TTLL7: variants seen among roughly 807,000 people sequenced by gnomAD.
The protein encoded by TTLL7 is tubulin tyrosine ligase like 7, also known as tubulin polyglutamylase TTLL7.
Under a neutral mutation model 120.2 loss-of-function variants are expected in TTLL7, and 53 were observed. That is an observed-to-expected ratio of 0.44 (90% confidence interval 0.35 to 0.55). The LOEUF is 0.55. Ranked by LOEUF, TTLL7 falls within the 20% of genes least tolerant of loss-of-function variation. The pLI, the probability that TTLL7 is intolerant of heterozygous loss-of-function variation, is 0.00. For missense variants in TTLL7, 803 were observed against 1,054.7 expected, an observed-to-expected ratio of 0.76 and a Z score of 3.31; for synonymous variants, 353 against 351.7, an observed-to-expected ratio of 1.00 and a Z score of -0.04.
chr1:83,906,453 A>G lies in TTLL7; in HGVS notation c.2003T>C (p.Leu668Ser). The G allele has an allele frequency of 6.2e-7, 1 of 1,611,958 alleles. No homozygotes were observed. Among genetic ancestry groups the G allele is most frequent in the Non-Finnish European group, 8.5e-7 (1 of 1,178,780 alleles). Residue 668 changes from leucine to serine, a missense_variant, in exon 17 of 21, where the codon TTG (leucine) becomes TCG (serine). Leu to Ser is a moderately radical substitution (Grantham distance 145). Coordinates refer to ENST00000260505, the MANE Select transcript of TTLL7 (RefSeq NM_024686.6). ...TTGTTCTTTTGTTTTCAGTTGCCGC[A>G]AAGACTCACTCTTAAATTTGAAAGA... ...CSTNSQVSES[L>S]RQLKTKEQED...
chr1:83,988,415 T>C (rs1652678695), intron 1 of TTLL7, among the ~76,000 whole-genome samples: 3 of 152,254 alleles, frequency 2.0e-5, no homozygotes, highest in Non-Finnish European at 2.9e-5. Flanking sequence ...ATGGGATTGC[T>C]GGGTCGAATA....
intron 20 of TTLL7, among the ~76,000 whole-genome samples, chr1:83,875,227 A>G (rs1653822194): frequency 6.6e-6 from 1 of 151,864 alleles, no homozygotes; most frequent in African/African-American, 2.4e-5. Context: ...ACCCAATTAT[A>G]CATTCCTTAA....
chr1:83,892,328 G>GTATACATGAATATATATACGAA (rs1557562170), intron 18 of TTLL7, among the ~76,000 whole-genome samples: 1 of 26,820 alleles, frequency 3.7e-5, no homozygotes, highest in Non-Finnish European at 6.9e-5. Context: ...GAATATATAT[G>GTATACATGAATATATATACGAA]TATATATGAA....
At chr1:83,892,907 AAAAGAAAAAAG>A (rs1397272067) in intron 18 of TTLL7, among the ~76,000 whole-genome samples, 4 of 117,098 alleles carry the variant, frequency 3.4e-5, no homozygotes, top group African/African-American at 1.4e-4. Context: ...GAAAGAAGGA[AAAAGAAAAAAG>A]AAAGAAAAAG....
intron 1 of TTLL7, among the ~76,000 whole-genome samples, chr1:83,996,554 T>C (rs1653496210): frequency 6.6e-6 from 1 of 152,228 alleles, no homozygotes; most frequent in African/African-American, 2.4e-5. Context: ...TCCAAGGCTC[T>C]ACTATTTCTC....
chr1:83,949,801 A>G, intron 4 of TTLL7, 64 bp downstream of exon 4: 1 of 1,579,548 alleles, frequency 6.3e-7, no homozygotes, highest in Non-Finnish European at 8.6e-7. Flanking sequence ...ACCTATCTAA[A>G]AAAGTTATGT....
At chr1:83,898,583 T>G (rs974137006) in intron 18 of TTLL7, among the ~76,000 whole-genome samples, 36 of 151,902 alleles carry the variant, frequency 2.4e-4, no homozygotes, top group African/African-American at 8.7e-4. Flanking sequence ...TATAAAGCAT[T>G]TTTTCAACGC....
chr1:83,876,076 T>C (rs1019712588), intron 20 of TTLL7, among the ~76,000 whole-genome samples: 2 of 151,884 alleles, frequency 1.3e-5, no homozygotes, highest in African/African-American at 4.8e-5. Flanking sequence ...ACTAATTTCA[T>C]CTGGAAATGG....
chr1:83,914,327 T>C (rs1221453426), intron 14 of TTLL7, among the ~76,000 whole-genome samples: 2 of 131,568 alleles, frequency 1.5e-5, no homozygotes, highest in Non-Finnish European at 3.2e-5. Flanking sequence ...CTCTCTCTTT[T>C]TTTTTTTTTT....
intron 17 of TTLL7, among the ~76,000 whole-genome samples, chr1:83,906,053 T>G (rs1430977843): frequency 6.6e-6 from 1 of 152,094 alleles, no homozygotes; most frequent in African/African-American, 2.4e-5. Context: ...TATTTAACAC[T>G]AATTATTCTG....
At chr1:83,913,482 T>C (rs184261636) in intron 14 of TTLL7, among the ~76,000 whole-genome samples, 5 of 152,316 alleles carry the variant, frequency 3.3e-5, no homozygotes, top group African/African-American at 9.6e-5. Context: ...TTATTTAACT[T>C]TGATTATCTC....
At chr1:83,902,615 A>G (rs1407004109) in intron 18 of TTLL7, among the ~76,000 whole-genome samples, 3 of 151,862 alleles carry the variant, frequency 2.0e-5, no homozygotes, top group African/African-American at 4.8e-5. Context: ...GCTCCTTCTC[A>G]GTCCCCTTTG....
chr1:83,906,884 T>C (rs938250409), intron 16 of TTLL7, among the ~76,000 whole-genome samples: 1 of 152,052 alleles, frequency 6.6e-6, no homozygotes, highest in African/African-American at 2.4e-5. Context: ...ATCCTTAGTC[T>C]ATGTGAAGGT....
chr1:83,909,410 A>T (rs540570990), intron 15 of TTLL7, among the ~76,000 whole-genome samples: 1 of 151,588 alleles, frequency 6.6e-6, no homozygotes, highest in African/African-American at 2.4e-5. Flanking sequence ...AATAAGTTTG[A>T]ATTTTTCAAA....
At chr1:83,954,920 A>G (rs572852748) in intron 1 of TTLL7, among the ~76,000 whole-genome samples, 1 of 152,202 alleles carries the variant, frequency 6.6e-6, no homozygotes, top group East Asian at 1.9e-4. Context: ...GATTTTTAAG[A>G]TAAAGAAACA....
At chr1:83,932,386 G>A (rs1262897990) in intron 9 of TTLL7, among the ~76,000 whole-genome samples, 1 of 152,132 alleles carries the variant, frequency 6.6e-6, no homozygotes, top group Admixed American at 6.6e-5. Context: ...ATAGTGCATA[G>A]TCAAGTGTTT....
intron 18 of TTLL7, among the ~76,000 whole-genome samples, chr1:83,899,756 CA>C (rs112388570): frequency 1.3e-5 from 2 of 149,878 alleles, no homozygotes; most frequent in Non-Finnish European, 3.0e-5. Context: ...CAAAGGAGCT[CA>C]AAAAAAAAGA....
chr1:83,895,189 T>C (rs1656107427), intron 18 of TTLL7, among the ~76,000 whole-genome samples: 1 of 152,114 alleles, frequency 6.6e-6, no homozygotes, highest in Non-Finnish European at 1.5e-5. Context: ...TGGAGACTGT[T>C]ATGCATATAA....
At chr1:83,940,293 C>T (rs1447369898) in intron 7 of TTLL7, among the ~76,000 whole-genome samples, 5 of 152,130 alleles carry the variant, frequency 3.3e-5, no homozygotes, top group Non-Finnish European at 7.4e-5. Context: ...AAAGATCACT[C>T]CCACCTTACA....
Sources: gnomAD v4.1 joint callset for allele counts (sites outside exome capture counted in the v4.1 genomes callset) on GRCh38, gnomAD v4.1.1 for gene constraint, MANE v1.5 for transcripts, NCBI Gene and HGNC (gene_info 2026-07-23, HGNC 2026-07-21) for gene names.